SLC2A11: variants seen among roughly 807,000 people sequenced by gnomAD.
SLC2A11 encodes the protein solute carrier family 2, facilitated glucose transporter member 11.
SLC2A11 carries 43 observed loss-of-function variants against 52.1 expected under a neutral mutation model. That is an observed-to-expected ratio of 0.82 (90% CI 0.65 to 1.06). The LOEUF (loss-of-function observed/expected upper bound fraction) is 1.06. Ranked by LOEUF, SLC2A11 falls within the 50% of genes least tolerant of loss-of-function variation. SLC2A11 has a pLI of 0.00. For synonymous variants in SLC2A11, 261 were observed against 277.6 expected (o/e 0.94, Z 0.59); for missense variants, 582 against 654.2 (o/e 0.89, Z 1.20).
chr22:23,860,732 C>CTCT (rs536755064), intron 1 of SLC2A11, among the ~76,000 whole-genome samples: 2,668 of 137,060 alleles, frequency 0.019, 56 homozygotes, highest in Middle Eastern at 0.076. Context: ...AACTCCGTCT[C>CTCT]TTTTTTTTTT....
intron 4 of SLC2A11, 78 bp downstream of exon 4, chr22:23,875,319 C>T: frequency 7.8e-7 from 1 of 1,289,996 alleles, no homozygotes. Context: ...TATTTCATTT[C>T]TTCCTTCATT....
chr22:23,864,184 C>T (rs373218310), intron 2 of SLC2A11, among the ~76,000 whole-genome samples: 1 of 151,970 alleles, frequency 6.6e-6, no homozygotes, highest in Non-Finnish European at 1.5e-5. Flanking sequence ...AGTTGACCAT[C>T]GAGAGAACTT....
intron 4 of SLC2A11, among the ~76,000 whole-genome samples, chr22:23,875,631 G>C (rs1379665133): frequency 2.0e-5 from 3 of 152,064 alleles, no homozygotes; most frequent in African/African-American, 7.2e-5. Context: ...TCGATTTCTG[G>C]GGCTTTTCAT....
At chr22:23,862,261 G>C (rs1014815220) in intron 2 of SLC2A11, 59 bp downstream of exon 2, 1 of 1,496,580 alleles carries the variant, frequency 6.7e-7, no homozygotes, top group Non-Finnish European at 9.3e-7. Context: ...GCTAACAGCT[G>C]CCCACTGAGG....
chr22:23,884,405 C>T lies in SLC2A11; in HGVS notation c.1275C>T (p.Val425=), dbSNP rs781199212. ...GALMWIMLIL[V]GLGFPFIMEA... ...TCATGTGGATCATGCTCATCCTGGT[C>T]GGCCTGGGATTTCCCTTTATCATGG... The change falls in exon 11 of 12, where the codon GTC becomes GTT. Residue 425 remains valine (V), a synonymous_variant. Transcript: ENST00000316185. The surrounding 1 kb of genome is among the most constrained non-coding windows in gnomAD (Gnocchi z 4.3). 49 of 1,613,736 alleles carry T rather than the reference C, an allele frequency of 3.0e-5. No homozygotes were observed. Among genetic ancestry groups the T allele is most frequent in the Non-Finnish European group, 3.6e-5 (43 of 1,179,902 alleles).
Position 23,863,607 on chromosome 22 carries a change from GGTTT to G in SLC2A11, c.129+1406_129+1409del, listed in dbSNP as rs1568985282. Among the ~76,000 whole-genome samples the G allele has an allele frequency of 4.4e-4, 50 of 113,202 alleles. 1 individual carries two copies. The South Asian group carries it at 7.5e-3, about 17-fold the overall frequency. The allele number at this position is 113,202 out of a possible 152,430, so 74.3% of individuals were successfully genotyped here. A position where few individuals can be genotyped will look rare whatever the true frequency, so the allele number is the denominator to read the frequency against. Reference sequence around the variant, plus strand: ...CTGCCCCTGTTTTTTCTCTCTCTCTGGTTTTTTTTTTTTTTTTTTTTTTTTTTGG... The same window carrying G: ...CTGCCCCTGTTTTTTCTCTCTCTCTGTTTTTTTTTTTTTTTTTTTTTTTGG... On this transcript the variant is annotated intron_variant, in intron 2 of 11. Coordinates refer to ENST00000316185, the MANE Select transcript of SLC2A11 (RefSeq NM_001024939.4).
intron 2 of SLC2A11, chr22:23,868,199 T>G: frequency 2.0e-6 from 1 of 489,746 alleles, no homozygotes; most frequent in African/African-American, 1.9e-5. Context: ...AGGAGTATTG[T>G]GTGAGTAGAG....
chr22:23,882,848 GCTGCTCA>G lies in SLC2A11; in HGVS notation c.974_980del (p.Leu325ArgfsTer8). ...CGATCATCGGGACTGGGAGCTGCGA[GCTGCTCA>G]CGGCGGTTGTTAGTGTGAGTCTGGA... On this transcript the variant is annotated frameshift_variant, in exon 8 of 12. Transcript: ENST00000316185. LOFTEE classifies it high-confidence loss of function. 1 of 1,612,878 alleles carries G rather than the reference GCTGCTCA, an allele frequency of 6.2e-7. No homozygotes were observed. The highest frequency in any genetic ancestry group is 8.5e-7 in the Non-Finnish European group (1 of 1,179,448).
upstream of SLC2A11, chr22:23,857,874 C>A (rs563034966): frequency 3.9e-6 from 6 of 1,543,274 alleles, no homozygotes; most frequent in East Asian, 9.7e-5. Flanking sequence ...TGCGCTAGCG[C>A]CTCTTTCACC....
rs1461494079 is a variant in SLC2A11, at chr22:23,884,630, G to C, written c.1300-19G>C. 1.9e-6 allele frequency: 3 copies of C among 1,606,678 alleles called. No individual in the cohort carries two copies. Among genetic ancestry groups the C allele is most frequent in the Non-Finnish European group, 2.6e-6 (3 of 1,176,286 alleles). On this transcript the variant is annotated intron_variant, in intron 11 of 11. Transcript: ENST00000316185. This position sits in a 1 kb window ranked among gnomAD's most constrained non-coding sequence, Gnocchi z 4.3. ...TTGATGGAGACACACCAGGTCTTGG[G>C]GTCTTTTTTAATCCGCAGGAGGCCT...
chr22:23,857,616 G>A (rs545067064), upstream of SLC2A11: 5 of 1,201,562 alleles, frequency 4.2e-6, no homozygotes, highest in Admixed American at 1.1e-4. Flanking sequence ...CAACACGCTG[G>A]GGCGAACTCC....
chr22:23,870,064 A>T (rs758265722), intron 3 of SLC2A11: 38 of 717,306 alleles, frequency 5.3e-5, no homozygotes, highest in Non-Finnish European at 9.6e-5. Context: ...ATTTTGGAAG[A>T]GACACAAACC....
chr22:23,857,448 G>A, upstream of SLC2A11: 2 of 1,613,250 alleles, frequency 1.2e-6, no homozygotes, highest in Non-Finnish European at 1.7e-6. Flanking sequence ...AGCCGAGTAA[G>A]GAGTGAGCGG....
chr22:23,884,436 C>G lies in SLC2A11; in HGVS notation c.1299+7C>G. The G allele has an allele frequency of 6.2e-7, 1 of 1,611,518 alleles. No homozygotes were observed. The highest frequency in any genetic ancestry group is 2.2e-5 in the East Asian group (1 of 44,862). On this transcript the variant is annotated splice_region_variant and intron_variant, in intron 11 of 11. Transcript: ENST00000316185. This position sits in a 1 kb window ranked among gnomAD's most constrained non-coding sequence, Gnocchi z 4.3. ...GGGATTTCCCTTTATCATGGTAGGCCCGCCCCTCCCGCTGGGGGCCCTGCC... is the reference window on the plus strand; with the variant it reads ...GGGATTTCCCTTTATCATGGTAGGCGCGCCCCTCCCGCTGGGGGCCCTGCC...
At position 23,857,895 on chromosome 22, in the gene SLC2A11, G is replaced by A; in HGVS notation, c.-105G>A. 1.3e-6 allele frequency: 2 copies of A among 1,565,046 alleles called. No individual in the cohort carries two copies. The highest frequency in any genetic ancestry group is 1.7e-6 in the Non-Finnish European group (2 of 1,156,590). ...AGCGCCTCTTTCACCACTGGGCGCT[G>A]CGCGCTGCCCTTCCCTCCGCGCACA... On this transcript the variant is annotated 5_prime_UTR_variant, in exon 1 of 12. Transcript: ENST00000316185.
intron 2 of SLC2A11, 46 bp from the exon 3 acceptor site, chr22:23,868,435 C>T (rs1601494556): frequency 1.2e-6 from 2 of 1,607,428 alleles, no homozygotes; most frequent in Non-Finnish European, 1.7e-6. Context: ...ATCTAGCACC[C>T]CCACGCCACC....
rs575705448 is a variant in SLC2A11, at chr22:23,867,430, T to C, written c.130-1051T>C. 23 of 218,296 alleles carry C rather than the reference T, an allele frequency of 1.1e-4. No homozygotes were observed. The East Asian group carries it at 2.7e-3, about 26-fold the overall frequency. The allele number at this position is 218,296 out of a possible 1,614,324, so 13.5% of individuals were successfully genotyped here. A position where few individuals can be genotyped will look rare whatever the true frequency, so the allele number is the denominator to read the frequency against. ...CCAGGCTGGTCTTGAATTCCTGACC[T>C]GAGGTGATACGCCCATCTCGGCCTC... On this transcript the variant is annotated intron_variant, in intron 2 of 11. Transcript: ENST00000316185.
At position 23,882,347 on chromosome 22, in the gene SLC2A11, CAG is replaced by C. The variant is rs771140167; in HGVS notation, c.695-107_695-106del. On this transcript the variant is annotated intron_variant, in intron 6 of 11. Coordinates refer to ENST00000316185, the MANE Select transcript of SLC2A11 (RefSeq NM_001024939.4). The stretch of plus-strand genomic sequence containing the variant: ...ACACACACACAGACAGACTCAGAGA[CAG>C]AGAGTGAGCCAAGAAGGAAAGGAAT... The C allele has an allele frequency of 2.3e-4, 219 of 942,340 alleles. 1 individual carries two copies. The highest frequency in any genetic ancestry group is 2.9e-4 in the Non-Finnish European group (189 of 646,828). The allele number at this position is 942,340 out of a possible 1,614,324, so 58.4% of individuals were successfully genotyped here.
intron 6 of SLC2A11, chr22:23,881,845 C>G: frequency 1.6e-5 from 2 of 124,960 alleles, no homozygotes; most frequent in East Asian, 2.3e-4. Flanking sequence ...CACACACAGA[C>G]ACAGAGACAG....
Sources: allele counts gnomAD v4.1 joint callset (sites outside exome capture counted in the v4.1 genomes callset), GRCh38; gene constraint gnomAD v4.1.1; non-coding constraint Gnocchi (gnomAD v3.1); transcripts MANE v1.5; gene names NCBI Gene and HGNC (gene_info 2026-07-23, HGNC 2026-07-21).